The following SULT2B1 variants were observed in gnomAD, a reference collection of about 807,000 sequenced individuals.
SULT2B1 encodes the protein sulfotransferase 2B1.
In SULT2B1, 16 loss-of-function variants were observed where a neutral mutation model predicts 33.2. The observed-to-expected ratio is 0.48, with a 90% confidence interval of 0.33 to 0.73. The LOEUF is 0.73. Ranked by LOEUF, SULT2B1 falls within the 30% of genes least tolerant of loss-of-function variation. SULT2B1 has a pLI of 0.02. For synonymous variants in SULT2B1, 186 were observed against 200.5 expected (o/e 0.93, Z 0.61); for missense variants, 500 against 506.0 (o/e 0.99, Z 0.11).
intron 2 of SULT2B1, among the ~76,000 whole-genome samples, chr19:48,585,805 TG>T (rs1379279008): frequency 5.9e-5 from 9 of 152,098 alleles, no homozygotes; most frequent in African/African-American, 2.2e-4. Context: ...GTTGTGCACA[TG>T]TACCCTAAAA....
At chr19:48,582,289 T>A (rs966957613) in intron 2 of SULT2B1, among the ~76,000 whole-genome samples, 1 of 152,216 alleles carries the variant, frequency 6.6e-6, no homozygotes, top group Admixed American at 6.6e-5. Flanking sequence ...TCTGGTTTTT[T>A]TAAATAGTTC....
intron 6 of SULT2B1, among the ~76,000 whole-genome samples, 186 bp downstream of exon 6, chr19:48,597,105 C>G (rs1973728299): frequency 6.6e-6 from 1 of 152,124 alleles, no homozygotes; most frequent in Non-Finnish European, 1.5e-5. Context: ...TGCCAGCCAC[C>G]CGAGGCGTCC....
At chr19:48,582,271 A>G (rs1259390803) in intron 2 of SULT2B1, among the ~76,000 whole-genome samples, 2 of 152,246 alleles carry the variant, frequency 1.3e-5, no homozygotes, top group Non-Finnish European at 2.9e-5. Flanking sequence ...ACTTTAAACA[A>G]ATAAGTTTCT....
At chr19:48,569,858 G>A (rs1190610370) in intron 1 of SULT2B1, among the ~76,000 whole-genome samples, 2 of 151,968 alleles carry the variant, frequency 1.3e-5, no homozygotes, top group Non-Finnish European at 2.9e-5. Flanking sequence ...TAGAGATGGG[G>A]TTTCGCCATG....
At chr19:48,555,554 C>CTCTCTA (rs1973087801) in intron 1 of SULT2B1, among the ~76,000 whole-genome samples, 1 of 78,904 alleles carries the variant, frequency 1.3e-5, no homozygotes, top group South Asian at 3.6e-4. Context: ...GACATCCTCT[C>CTCTCTA]TCTCTCTCTC....
At position 48,599,350 on chromosome 19, in the gene SULT2B1, A is replaced by C. The variant is rs1245336551; in HGVS notation, c.1042A>C (p.Ser348Arg). ...SLEREPRPNS[S>R]PSPSPGQASE... Reference sequence around the variant, plus strand: ...GGAGCGTGAGCCCAGACCCAACTCCAGCCCCAGCCCCAGCCCCGGCCAGGC... The same window carrying C: ...GGAGCGTGAGCCCAGACCCAACTCCCGCCCCAGCCCCAGCCCCGGCCAGGC... Residue 348 changes from serine (S) to arginine (R), a missense_variant, in exon 7 of 7, where the codon AGC becomes CGC. Physicochemically the swap from Ser to Arg is moderately radical, Grantham distance 110 (BLOSUM62 -1). Transcript: ENST00000201586. The surrounding 1 kb of genome is among the most constrained non-coding windows in gnomAD (Gnocchi z 4.1). The C allele has an allele frequency of 6.4e-7, 1 of 1,568,110 alleles. No homozygotes were observed. Among genetic ancestry groups the C allele is most frequent in the South Asian group, 1.2e-5 (1 of 86,496 alleles).
At chr19:48,572,032 G>A (rs541565595) in intron 1 of SULT2B1, among the ~76,000 whole-genome samples, 3 of 152,270 alleles carry the variant, frequency 2.0e-5, no homozygotes, top group South Asian at 2.1e-4. Flanking sequence ...ACTTCCTGAG[G>A]TTCTGGGAGA....
intron 3 of SULT2B1, among the ~76,000 whole-genome samples, chr19:48,587,857 C>A (rs996058171): frequency 2.1e-4 from 27 of 127,618 alleles, no homozygotes; most frequent in Non-Finnish European, 4.7e-5. Flanking sequence ...CACCTTACTG[C>A]ACTCCATCCT....
intron 1 of SULT2B1, among the ~76,000 whole-genome samples, chr19:48,574,161 C>T (rs1009239541): frequency 2.6e-5 from 4 of 152,052 alleles, no homozygotes; most frequent in Non-Finnish European, 5.9e-5. Flanking sequence ...TGCGCCCAGC[C>T]CTTGAGGAGT....
Position 48,599,206 on chromosome 19 carries a change from C to G in SULT2B1, c.898C>G (p.Gln300Glu). 6.2e-7 allele frequency: 1 copy of G among 1,606,330 alleles called. No individual in the cohort carries two copies. The highest frequency in any genetic ancestry group is 8.5e-7 in the Non-Finnish European group (1 of 1,177,944). The change falls in exon 7 of 7, where the codon CAG becomes GAG. Residue 300 changes from glutamine to glutamate, a missense_variant. Transcript: ENST00000201586. This position sits in a 1 kb window ranked among gnomAD's most constrained non-coding sequence, Gnocchi z 4.1. ...AGCCTTCGATCGTGCCTACCGCAAG[C>G]AGATGCGGGGGATGCCGACCTTCCC... ...SEAFDRAYRK[Q>E]MRGMPTFPWD...
At chr19:48,597,138 C>T (rs575474986) in intron 6 of SULT2B1, among the ~76,000 whole-genome samples, 1 of 152,240 alleles carries the variant, frequency 6.6e-6, no homozygotes, top group African/African-American at 2.4e-5. Flanking sequence ...CTCCCAACGA[C>T]AGCAAAACAT....
At chr19:48,587,546 C>A in intron 3 of SULT2B1, 109 bp downstream of exon 3, 2 of 1,240,426 alleles carry the variant, frequency 1.6e-6, no homozygotes, top group Non-Finnish European at 2.3e-6. Context: ...TGTTAAACAC[C>A]TACTATGTGC....
intron 4 of SULT2B1, among the ~76,000 whole-genome samples, 191 bp from the exon 5 acceptor site, chr19:48,592,531 C>T (rs1305297955): frequency 6.6e-6 from 1 of 152,132 alleles, no homozygotes; most frequent in Non-Finnish European, 1.5e-5. Context: ...CCAAGATGGG[C>T]AACCAGGGGA....
intron 1 of SULT2B1, among the ~76,000 whole-genome samples, chr19:48,561,384 G>T (rs147925180): frequency 6.6e-6 from 1 of 150,798 alleles, no homozygotes; most frequent in East Asian, 2.0e-4. Context: ...AGCCGAGATC[G>T]TGCCATTGCA....
chr19:48,585,505 TA>T (rs1176927989), intron 2 of SULT2B1, among the ~76,000 whole-genome samples: 4 of 151,864 alleles, frequency 2.6e-5, no homozygotes, highest in Non-Finnish European at 5.9e-5. Context: ...CCATCTCTAC[TA>T]AAAATACCAA....
At chr19:48,585,656 CA>C (rs1189174763) in intron 2 of SULT2B1, among the ~76,000 whole-genome samples, 4 of 140,466 alleles carry the variant, frequency 2.8e-5, no homozygotes, top group Non-Finnish European at 4.5e-5. Flanking sequence ...GCAACAAGAG[CA>C]AAACTCCGTC....
At chr19:48,576,640 CTTTTTTTTTT>C (rs71335805) in intron 2 of SULT2B1, among the ~76,000 whole-genome samples, 3 of 116,512 alleles carry the variant, frequency 2.6e-5, no homozygotes, top group African/African-American at 1.1e-4. Context: ...AAATTGTATA[CTTTTTTTTTT>C]TTTTTTTTTT....
intron 3 of SULT2B1, among the ~76,000 whole-genome samples, chr19:48,589,309 AGGGGAGGAGGGAGGGGAGCAGGCG>A (rs1429773319): frequency 9.4e-6 from 1 of 106,164 alleles, no homozygotes; most frequent in African/African-American, 3.5e-5. Context: ...GCAACTGGGA[AGGGGAGGAGGGAGGGGAGCAGGCG>A]GGGGAGGAAG....
At chr19:48,555,123 ACT>A (rs1056036658) in intron 1 of SULT2B1, among the ~76,000 whole-genome samples, 3 of 147,662 alleles carry the variant, frequency 2.0e-5, no homozygotes, top group Non-Finnish European at 4.5e-5. Flanking sequence ...ACGGAGTCTC[ACT>A]CTGTCGCCCA....
Sources: gnomAD v4.1 joint callset for allele counts (sites outside exome capture counted in the v4.1 genomes callset) on GRCh38, gnomAD v4.1.1 for gene constraint, Gnocchi (gnomAD v3.1) non-coding constraint, MANE v1.5 for transcripts, NCBI Gene and HGNC (gene_info 2026-07-23, HGNC 2026-07-21) for gene names.